The following HSD17B14 variants were observed in gnomAD, a reference collection of about 807,000 sequenced individuals.
HSD17B14 encodes the protein L-fucose dehydrogenase.
HSD17B14 carries 32 observed loss-of-function variants against 32.2 expected under a neutral mutation model. The observed-to-expected ratio is 0.99, with a 90% CI of 0.75 to 1.33. HSD17B14 has a LOEUF of 1.33. Ranked by LOEUF, HSD17B14 falls within the 40% of genes most tolerant of loss-of-function variation. HSD17B14 has a pLI of 0.00. For missense variants in HSD17B14, 370 were observed against 366.5 expected (o/e 1.01, Z -0.08); for synonymous variants, 140 against 155.4 (o/e 0.90, Z 0.74).
At chr19:48,813,375 G>T in intron 8 of HSD17B14, 27 bp from the exon 9 acceptor site, 1 of 1,557,606 alleles carries the variant, frequency 6.4e-7, no homozygotes, top group Non-Finnish European at 8.7e-7. Flanking sequence ...GGGGAAGGAG[G>T]TCAAGAGGAG....
intron 1 of HSD17B14, 54 bp downstream of exon 1, chr19:48,836,270 C>T (rs2035512111): frequency 6.4e-7 from 1 of 1,551,038 alleles, no homozygotes; most frequent in Admixed American, 1.8e-5. Flanking sequence ...ATCACCCCGC[C>T]CCCATCCTTC....
intron 5 of HSD17B14, 127 bp from the exon 6 acceptor site, chr19:48,815,268 A>T: frequency 1.4e-6 from 1 of 707,004 alleles, no homozygotes; most frequent in Non-Finnish European, 2.5e-6. Context: ...AGTTGATCTC[A>T]GTGACTGCTA....
At chr19:48,813,792 T>C in intron 6 of HSD17B14, 62 bp from the exon 7 acceptor site, 1 of 1,581,334 alleles carries the variant, frequency 6.3e-7, no homozygotes, top group Non-Finnish European at 8.7e-7. Context: ...CTGCCATCCA[T>C]TGTCTCCTGC....
chr19:48,829,871 G>A (rs1012159340), intron 5 of HSD17B14, among the ~76,000 whole-genome samples: 2 of 151,954 alleles, frequency 1.3e-5, no homozygotes, highest in Non-Finnish European at 2.9e-5. Context: ...TCAAACTCCC[G>A]ACCTCAGGTG....
chr19:48,834,738 G>A (rs1442275849), intron 2 of HSD17B14, among the ~76,000 whole-genome samples: 1 of 109,130 alleles, frequency 9.2e-6, no homozygotes, highest in African/African-American at 4.4e-5. Flanking sequence ...GTCTGAGGGA[G>A]GAGGGGCTGG....
At chr19:48,834,219 G>A in intron 3 of HSD17B14, 57 bp downstream of exon 3, 1 of 1,393,052 alleles carries the variant, frequency 7.2e-7, no homozygotes. Context: ...ATGGCTGGAG[G>A]AGAACAAAGA....
At position 48,825,249 on chromosome 19, in the gene HSD17B14, A is replaced by AAAG. The variant is rs1395049404; in HGVS notation, c.369+6418_369+6419insCTT. On this transcript the variant is annotated intron_variant, in intron 5 of 8. Coordinates refer to ENST00000263278, the MANE Select transcript of HSD17B14 (RefSeq NM_016246.3). The stretch of plus-strand genomic sequence containing the variant: ...CGAGACTCCGTCGCAAAAAAAAAAA[A>AAAG]AAAAAAAATTGTATGATCTGGGTGG... Among the ~76,000 whole-genome samples, 49 of 151,898 alleles carry AAAG rather than the reference A, an allele frequency of 3.2e-4. No individual in the cohort carries two copies. In the Middle Eastern group the frequency reaches 0.01, roughly 32 times the overall value.
chr19:48,829,635 C>CTTTTTTTTT (rs34096239), intron 5 of HSD17B14, among the ~76,000 whole-genome samples: 9 of 76,084 alleles, frequency 1.2e-4, no homozygotes, highest in African/African-American at 1.8e-4. Context: ...CCAGGCCTGG[C>CTTTTTTTTT]TTTTTTTTTT....
At chr19:48,822,549 T>C (rs2035176921) in intron 5 of HSD17B14, among the ~76,000 whole-genome samples, 1 of 150,574 alleles carries the variant, frequency 6.6e-6, no homozygotes, top group Non-Finnish European at 1.5e-5. Context: ...ATGGTGGTGA[T>C]GTTGGTGATG....
Position 48,813,542 on chromosome 19 carries a change from C to T in HSD17B14, c.553G>A (p.Gly185Arg), listed in dbSNP as rs1399226079. ...YGVRVNCISP[G>R]NIWTPLWEEL... ...TCCCACAGCGGGGTCCAGATGTTTCCTGGGGAGATACTAGAGGAAGGGAGA... is the reference window on the plus strand; with the variant it reads ...TCCCACAGCGGGGTCCAGATGTTTCTTGGGGAGATACTAGAGGAAGGGAGA... Residue 185 changes from glycine (G) to arginine (R), a missense_variant, in exon 8 of 9, where the codon GGA (glycine) becomes AGA (arginine). Coordinates refer to ENST00000263278, the MANE Select transcript of HSD17B14 (RefSeq NM_016246.3). 2 of 1,614,070 alleles carry T rather than the reference C, an allele frequency of 1.2e-6. No homozygotes were observed. Among genetic ancestry groups the T allele is most frequent in the South Asian group, 1.1e-5 (1 of 91,086 alleles).
At chr19:48,816,807 C>CTTTCTTTCTTTCTTTCT (rs2035061866) in intron 5 of HSD17B14, among the ~76,000 whole-genome samples, 2 of 118,152 alleles carry the variant, frequency 1.7e-5, no homozygotes, top group Non-Finnish European at 3.4e-5. Flanking sequence ...TTCTTTCTTT[C>CTTTCTTTCTTTCTTTCT]TTTCTTTCTT....
chr19:48,821,635 G>T (rs996755494), intron 5 of HSD17B14, among the ~76,000 whole-genome samples: 21 of 151,888 alleles, frequency 1.4e-4, no homozygotes, highest in Non-Finnish European at 2.2e-4. Flanking sequence ...ATGGGATTTT[G>T]ATGGTGATGG....
intron 3 of HSD17B14, among the ~76,000 whole-genome samples, 186 bp downstream of exon 3, chr19:48,834,090 A>G (rs563484594): frequency 4.5e-4 from 69 of 152,214 alleles, no homozygotes; most frequent in Non-Finnish European, 9.3e-4. Flanking sequence ...CAGAAGGAAC[A>G]TGTGACCTGC....
At chr19:48,834,414 T>G (rs2035414102) in intron 2 of HSD17B14, 56 bp from the exon 3 acceptor site, 8 of 1,102,298 alleles carry the variant, frequency 7.3e-6, no homozygotes, top group Admixed American at 2.1e-5. Flanking sequence ...GAGGAGGGGT[T>G]GGGGACTTGG....
intron 4 of HSD17B14, 26 bp from the exon 5 acceptor site, chr19:48,831,785 G>GA (rs1350551809): frequency 7.4e-7 from 1 of 1,343,102 alleles, no homozygotes; most frequent in African/African-American, 1.4e-5. Flanking sequence ...AGAGAGAGAG[G>GA]AAAAGTGACG....
At chr19:48,819,978 C>T (rs1171583341) in intron 5 of HSD17B14, among the ~76,000 whole-genome samples, 1 of 151,722 alleles carries the variant, frequency 6.6e-6, no homozygotes, top group Non-Finnish European at 1.5e-5. Context: ...GTGAGACTCC[C>T]TCGCAGCCAT....
At chr19:48,828,548 TTC>T (rs1460956340) in intron 5 of HSD17B14, among the ~76,000 whole-genome samples, 1 of 152,014 alleles carries the variant, frequency 6.6e-6, no homozygotes, top group Non-Finnish European at 1.5e-5. Flanking sequence ...AGCCCAGGGG[TTC>T]GAGGCTGCTG....
At chr19:48,821,125 A>G (rs1198959264) in intron 5 of HSD17B14, among the ~76,000 whole-genome samples, 1 of 149,654 alleles carries the variant, frequency 6.7e-6, no homozygotes, top group East Asian at 2.0e-4. Context: ...CTATTCTCCC[A>G]TCTCAGCCTC....
rs563688176 is a variant in HSD17B14 at position 48,818,658 on chromosome 19, CCTT to C, written c.370-3520_370-3518del. ...TATTTGTCCCACACTCCCTGAGTGT[CCTT>C]CTCCCCACACCCCTCAAGGTTGCTA... On this transcript the variant is annotated intron_variant, in intron 5 of 8. Coordinates refer to ENST00000263278, the MANE Select transcript of HSD17B14 (RefSeq NM_016246.3). Among the ~76,000 whole-genome samples the C allele has an allele frequency of 4.1e-4, 62 of 152,270 alleles. No individual in the cohort carries two copies. In the South Asian group the frequency reaches 9.7e-3, roughly 24 times the overall value.
Sources: gnomAD v4.1 joint callset for allele counts (sites outside exome capture counted in the v4.1 genomes callset) on GRCh38, gnomAD v4.1.1 for gene constraint, MANE v1.5 for transcripts, NCBI Gene and HGNC (gene_info 2026-07-23, HGNC 2026-07-21) for gene names.